TRHDE: variants seen among roughly 807,000 people sequenced by gnomAD.
TRHDE encodes the protein thyrotropin releasing hormone degrading enzyme, also known as thyrotropin-releasing hormone-degrading ectoenzyme.
Under a neutral mutation model 125.7 loss-of-function variants are expected in TRHDE, and 72 were observed. The observed-to-expected ratio is 0.57, with a 90% confidence interval of 0.47 to 0.70. TRHDE has a LOEUF of 0.70. Among genes scored for constraint, TRHDE ranks in the 30% least tolerant of loss-of-function variants. The probability of loss-of-function intolerance (pLI) is 0.00; values close to 1 mark genes in which losing one functional copy is unlikely to be tolerated. For missense variants in TRHDE, 1,110 were observed against 1,327.1 expected (o/e 0.84, Z 2.54); for synonymous variants, 509 against 509.1 (o/e 1.00, Z 0.00).
At chr12:72,555,229 T>C (rs751942897) in intron 7 of TRHDE, among the ~76,000 whole-genome samples, 103 of 152,194 alleles carry the variant, frequency 6.8e-4, no homozygotes, top group Non-Finnish European at 1.1e-3. Context: ...GCAAGCCACT[T>C]CTAAAGGTAA....
At chr12:72,598,516 A>G (rs961171510) in intron 12 of TRHDE, among the ~76,000 whole-genome samples, 2 of 152,188 alleles carry the variant, frequency 1.3e-5, no homozygotes, top group African/African-American at 4.8e-5. Flanking sequence ...CTCTATATCA[A>G]GTCTGGAAAC....
intron 2 of TRHDE, among the ~76,000 whole-genome samples, chr12:72,223,704 T>A (rs1184472479): frequency 6.6e-6 from 1 of 152,112 alleles, no homozygotes; most frequent in Non-Finnish European, 1.5e-5. Context: ...CTTAATTTTC[T>A]CCAATAATTG....
At chr12:72,095,177 T>C (rs982044261) in intron 1 of TRHDE, among the ~76,000 whole-genome samples, 1 of 152,194 alleles carries the variant, frequency 6.6e-6, no homozygotes, top group Non-Finnish European at 1.5e-5. Flanking sequence ...AGAAAATCCT[T>C]TAGTGTGGGC....
chr12:72,662,147 T>C lies in TRHDE; in HGVS notation c.3067-905T>C, dbSNP rs112919642. Among the ~76,000 whole-genome samples, 1,422 of 152,288 alleles carry C rather than the reference T, an allele frequency of 9.3e-3. 22 individuals carry two copies. The highest frequency in any genetic ancestry group is 0.032 in the African/African-American group (1,325 of 41,578). On this transcript the variant is annotated intron_variant, in intron 18 of 18. Transcript: ENST00000261180. ...CCCTCCTGGCATATCTTCCATGTGG[T>C]GCCCACCATATGATGAATTACACCC...
intron 12 of TRHDE, among the ~76,000 whole-genome samples, chr12:72,594,025 A>G (rs776667925): frequency 6.6e-6 from 1 of 152,182 alleles, no homozygotes; most frequent in Admixed American, 6.5e-5. Context: ...CCTTGGGTAT[A>G]TGCCCAGTAA....
chr12:72,394,442 CATA>C lies in TRHDE; in HGVS notation c.1315+16324_1315+16326del, dbSNP rs750127668. On this transcript the variant is annotated intron_variant, in intron 3 of 18. Transcript: ENST00000261180. ...AGAGAGATGATTAATTCATTATCAT[CATA>C]ATCTCAAACATCCCAGGGCATCCCT... Among the ~76,000 whole-genome samples the C allele has an allele frequency of 1.8e-4, 28 of 152,224 alleles. No homozygotes were observed. The South Asian group carries it at 3.1e-3, about 17-fold the overall frequency.
chr12:72,562,230 G>GGTAAA lies in TRHDE; in HGVS notation c.1854+4_1854+8dup. The GGTAAA allele has an allele frequency of 3.3e-6, 5 of 1,533,190 alleles. No homozygotes were observed. Among genetic ancestry groups the GGTAAA allele is most frequent in the Non-Finnish European group, 4.5e-6 (5 of 1,114,918 alleles). 95.0% of individuals were successfully genotyped at this position (1,533,190 alleles called of 1,614,324 possible). Reference sequence around the variant, plus strand: ...ATGATCTCTGGAATACATTATCGGAGGTAAAGTATAGGAAGCTTAAATATC... The same window carrying GGTAAA: ...ATGATCTCTGGAATACATTATCGGAGGTAAAGTAAAGTATAGGAAGCTTAAATATC... On this transcript the variant is annotated frameshift_variant and splice_region_variant. Transcript: ENST00000261180. LOFTEE classifies it high-confidence loss of function.
intron 17 of TRHDE, among the ~76,000 whole-genome samples, chr12:72,655,696 T>G (rs1874682536): frequency 1.3e-5 from 2 of 152,196 alleles, no homozygotes; most frequent in African/African-American, 4.8e-5. Flanking sequence ...CTTATTATTT[T>G]CTTATTATAT....
chr12:72,291,932 T>C (rs1366897577), intron 2 of TRHDE, among the ~76,000 whole-genome samples: 1 of 152,216 alleles, frequency 6.6e-6, no homozygotes, highest in Non-Finnish European at 1.5e-5. Flanking sequence ...ATGTTGGGGC[T>C]ACAAAGACCT....
At chr12:72,222,035 A>G (rs1337077382) in intron 2 of TRHDE, among the ~76,000 whole-genome samples, 7 of 152,104 alleles carry the variant, frequency 4.6e-5, no homozygotes, top group Non-Finnish European at 2.9e-5. Context: ...CAGGGACTCC[A>G]ATTTCTTACA....
At chr12:72,316,032 A>G (rs748225075) in intron 2 of TRHDE, among the ~76,000 whole-genome samples, 4 of 152,116 alleles carry the variant, frequency 2.6e-5, no homozygotes, top group African/African-American at 9.7e-5. Flanking sequence ...GCAAATTTTC[A>G]TAGATTCAGA....
At chr12:72,498,541 T>C (rs1878012694) in intron 5 of TRHDE, among the ~76,000 whole-genome samples, 2 of 152,142 alleles carry the variant, frequency 1.3e-5, no homozygotes, top group African/African-American at 4.8e-5. Context: ...TATTTAGCCT[T>C]CTTTATATTT....
intron 2 of TRHDE, among the ~76,000 whole-genome samples, chr12:72,296,448 G>T (rs891212311): frequency 1.3e-5 from 2 of 152,162 alleles, no homozygotes; most frequent in Admixed American, 6.5e-5. Flanking sequence ...AAATGGGATG[G>T]TTCCTGTGAG....
At chr12:72,607,710 C>G (rs1042615578) in intron 12 of TRHDE, among the ~76,000 whole-genome samples, 3 of 152,090 alleles carry the variant, frequency 2.0e-5, no homozygotes, top group Non-Finnish European at 4.4e-5. Flanking sequence ...CTTAATGACA[C>G]TCAAAAATGG....
intron 3 of TRHDE, among the ~76,000 whole-genome samples, chr12:72,388,283 A>T (rs1872510668): frequency 6.6e-6 from 1 of 151,716 alleles, no homozygotes; most frequent in Non-Finnish European, 1.5e-5. Context: ...CTCTTCCCTG[A>T]TTTACTTTTC....
chr12:72,404,090 G>A (rs1873163535), intron 3 of TRHDE, among the ~76,000 whole-genome samples: 1 of 152,108 alleles, frequency 6.6e-6, no homozygotes, highest in African/African-American at 2.4e-5. Flanking sequence ...CTAGCCAGAT[G>A]TATTAGTCCG....
intron 2 of TRHDE, among the ~76,000 whole-genome samples, chr12:72,298,486 T>A (rs544939017): frequency 1.3e-5 from 2 of 152,342 alleles, no homozygotes; most frequent in African/African-American, 4.8e-5. Flanking sequence ...TTTTTGACTT[T>A]CTTCTTCTTT....
chr12:72,512,577 CAT>C (rs1254803936), intron 6 of TRHDE, among the ~76,000 whole-genome samples: 2 of 133,898 alleles, frequency 1.5e-5, no homozygotes, highest in African/African-American at 2.8e-5. Context: ...AATATATAAT[CAT>C]ATAATAATCA....
intron 3 of TRHDE, among the ~76,000 whole-genome samples, chr12:72,445,749 T>C (rs530506996): frequency 5.3e-5 from 8 of 152,096 alleles, no homozygotes; most frequent in Non-Finnish European, 8.8e-5. Flanking sequence ...CATGGATAGA[T>C]TTTATTTGGT....
Sources: gnomAD v4.1 joint callset for allele counts (sites outside exome capture counted in the v4.1 genomes callset) on GRCh38, gnomAD v4.1.1 for gene constraint, MANE v1.5 for transcripts, NCBI Gene and HGNC (gene_info 2026-07-23, HGNC 2026-07-21) for gene names.